DHRS12: variants seen among roughly 807,000 people sequenced by gnomAD.
DHRS12 encodes the protein dehydrogenase/reductase 12.
DHRS12 carries 29 observed loss-of-function variants against 32.1 expected under a neutral mutation model. The observed-to-expected ratio is 0.90, with a 90% CI of 0.67 to 1.23. The LOEUF (loss-of-function observed/expected upper bound fraction) is 1.23. DHRS12 is among the 50% of genes most tolerant of loss of function. The pLI is 0.00. For synonymous variants in DHRS12, 150 were observed against 135.9 expected (o/e 1.10, Z -0.72); for missense variants, 330 against 337.2 (o/e 0.98, Z 0.17).
chr13:51,759,617 C>A, the DHRS12 span: 2 of 700,592 alleles, frequency 2.9e-6, no homozygotes, highest in South Asian at 2.8e-5. Context: ...ATTTGGAAAT[C>A]ATGTTAGTAT....
chr13:51,762,784 A>G, the DHRS12 span: 2 of 152,248 alleles, frequency 1.3e-5, no homozygotes, highest in Non-Finnish European at 2.9e-5. Context: ...TTTTACAAAT[A>G]ATGCCTAACA....
chr13:51,789,938 T>G (rs1454205930), intron 4 of DHRS12, 73 bp downstream of exon 4: 10 of 1,476,124 alleles, frequency 6.8e-6, no homozygotes, highest in Middle Eastern at 1.8e-4. Flanking sequence ...GTTGGTCAAT[T>G]TTTTTTTACC....
chr13:51,761,330 C>A, the DHRS12 span: 2 of 152,140 alleles, frequency 1.3e-5, no homozygotes, highest in South Asian at 4.2e-4. Context: ...ATATTGAAGT[C>A]CCTTTTAAAA....
rs1955256519 is a variant in DHRS12, at chr13:51,791,273, A to C, written c.127-16T>G. 3.2e-6 allele frequency: 3 copies of C among 941,660 alleles called. No individual in the cohort carries two copies. The highest frequency in any genetic ancestry group is 1.0e-4 in the East Asian group (2 of 19,662). The allele number at this position is 941,660 out of a possible 1,614,324, so 58.3% of individuals were successfully genotyped here. Reference sequence around the variant, plus strand: ...GAAAAATGTTCTAAATTAGAAAGCAAAAAAAAAAAAAACCCTTTTTAAAAA... The same window carrying C: ...GAAAAATGTTCTAAATTAGAAAGCACAAAAAAAAAAAACCCTTTTTAAAAA... On this transcript the variant is annotated splice_polypyrimidine_tract_variant and intron_variant, in intron 2 of 8. Coordinates refer to ENST00000444610, the MANE Select transcript of DHRS12 (RefSeq NM_001377533.1).
downstream of DHRS12, chr13:51,763,316 G>C (rs1222313619): frequency 6.6e-6 from 1 of 152,102 alleles, no homozygotes; most frequent in Non-Finnish European, 1.5e-5. Context: ...CCCTGTGGTG[G>C]GGGAGGTAAT....
chr13:51,790,714 T>C (rs942645576), intron 3 of DHRS12, among the ~76,000 whole-genome samples: 4 of 152,154 alleles, frequency 2.6e-5, no homozygotes, highest in African/African-American at 7.2e-5. Flanking sequence ...AAGTAGAGTA[T>C]CTGGGAAGAG....
intron 4 of DHRS12, among the ~76,000 whole-genome samples, chr13:51,779,936 G>T (rs1954623390): frequency 6.6e-6 from 1 of 152,058 alleles, no homozygotes. Context: ...CAGCACTTTG[G>T]GAGGCCGAGG....
chr13:51,768,158 T>TG lies in DHRS12; in HGVS notation c.*28_*29insC. 3 of 1,536,068 alleles carry TG rather than the reference T, an allele frequency of 2.0e-6. No individual in the cohort carries two copies. Among genetic ancestry groups the TG allele is most frequent in the Non-Finnish European group, 2.6e-6 (3 of 1,146,854 alleles). ...CACCTTCTGGTATCTTCTAAGGCAA[T>TG]TCTGGTACCGCACTGTGTCTGGGTT... On this transcript the variant is annotated 3_prime_UTR_variant, in exon 9 of 9. Coordinates refer to ENST00000444610, the MANE Select transcript of DHRS12 (RefSeq NM_001377533.1).
chr13:51,778,409 G>A (rs557900145), intron 4 of DHRS12, among the ~76,000 whole-genome samples: 1 of 152,288 alleles, frequency 6.6e-6, no homozygotes, highest in East Asian at 1.9e-4. Context: ...TGCCTTGTTC[G>A]TATTTGTGGA....
intron 4 of DHRS12, among the ~76,000 whole-genome samples, chr13:51,786,533 T>C (rs1954965058): frequency 6.6e-6 from 1 of 152,172 alleles, no homozygotes; most frequent in African/African-American, 2.4e-5. Flanking sequence ...GGCTCAACTG[T>C]GCATCAACTG....
chr13:51,768,764 A>AAAT, intron 8 of DHRS12: 1 of 1,143,760 alleles, frequency 8.7e-7, no homozygotes, highest in Non-Finnish European at 1.1e-6. Context: ...CTGCTTCCAA[A>AAAT]AATAGAGAAG....
chr13:51,768,676 C>T (rs1953866512), intron 8 of DHRS12: 1 of 1,131,448 alleles, frequency 8.8e-7, no homozygotes, highest in Non-Finnish European at 1.1e-6. Context: ...CACCCGAGGT[C>T]AAGTGCTGTC....
At chr13:51,772,428 G>A (rs1954071740) in intron 6 of DHRS12, among the ~76,000 whole-genome samples, 1 of 152,158 alleles carries the variant, frequency 6.6e-6, no homozygotes, top group African/African-American at 2.4e-5. Flanking sequence ...TTCAAGACCA[G>A]CCTGGCCAAC....
At position 51,782,777 on chromosome 13, in the gene DHRS12, C is replaced by CA. The variant is rs1165040310; in HGVS notation, c.302-5657dup. 1.3e-5 allele frequency among the ~76,000 whole-genome samples: 2 copies of CA among 152,284 alleles called. No individual in the cohort carries two copies. Among genetic ancestry groups the CA allele is most frequent in the African/African-American group, 4.8e-5 (2 of 41,564 alleles). On this transcript the variant is annotated intron_variant, in intron 4 of 8. Transcript: ENST00000444610. This position sits in a 1 kb window ranked among gnomAD's most constrained non-coding sequence, Gnocchi z 4.2. ...AACCCGAGTATGGGCACTTGGGCCTCAGCTCATTAAAAGGACAAAGGTGCT... is the reference window on the plus strand; with the variant it reads ...AACCCGAGTATGGGCACTTGGGCCTCAAGCTCATTAAAAGGACAAAGGTGCT...
intron 7 of DHRS12, chr13:51,770,823 G>T (rs890078010): frequency 9.5e-7 from 1 of 1,057,198 alleles, no homozygotes; most frequent in Non-Finnish European, 1.1e-6. Context: ...TGCACACAGG[G>T]TTTTTCCATA....
intron 2 of DHRS12, chr13:51,797,876 C>G: frequency 6.5e-7 from 1 of 1,535,926 alleles, no homozygotes; most frequent in Non-Finnish European, 8.7e-7. Flanking sequence ...TCTGCTGGGG[C>G]TTGATCTCGA....
chr13:51,756,586 G>T, the DHRS12 span: 1 of 1,402,924 alleles, frequency 7.1e-7, no homozygotes, highest in African/African-American at 1.4e-5. Flanking sequence ...TATAGTCCAC[G>T]GCAAGCAGTA....
At chr13:51,777,827 GATT>G (rs1954511380) in intron 4 of DHRS12, among the ~76,000 whole-genome samples, 1 of 152,184 alleles carries the variant, frequency 6.6e-6, no homozygotes, top group Admixed American at 6.5e-5. Context: ...TGAATGGTGG[GATT>G]ATTGTTTCTA....
chr13:51,773,878 GC>G, intron 6 of DHRS12, 51 bp downstream of exon 6: 1 of 1,472,096 alleles, frequency 6.8e-7, no homozygotes, highest in Non-Finnish European at 9.5e-7. Flanking sequence ...TTGGAAAAGG[GC>G]CCTCGCAGCC....
Sources: allele counts gnomAD v4.1 joint callset (sites outside exome capture counted in the v4.1 genomes callset), GRCh38; gene constraint gnomAD v4.1.1; non-coding constraint Gnocchi (gnomAD v3.1); transcripts MANE v1.5; gene names NCBI Gene and HGNC (gene_info 2026-07-23, HGNC 2026-07-21).